Variants in ESD observed in about 807,000 individuals in gnomAD.
ESD encodes the protein esterase D, also known as S-formylglutathione hydrolase.
Under a neutral mutation model 38.1 loss-of-function variants are expected in ESD, and 34 were observed. The ratio of observed to expected loss-of-function variants is 0.89; its 90% CI spans 0.68 to 1.19. The LOEUF is 1.19. ESD is among the 50% of genes most tolerant of loss of function. The pLI, the probability that ESD is intolerant of heterozygous loss-of-function variation, is 0.00. For synonymous variants in ESD, 97 were observed against 107.0 expected (o/e 0.91, Z 0.58); for missense variants, 334 against 327.2 (o/e 1.02, Z -0.16).
At chr13:46,781,677 G>C in intron 6 of ESD, 62 bp from the exon 7 acceptor site, 1 of 1,466,500 alleles carries the variant, frequency 6.8e-7, no homozygotes, top group Non-Finnish European at 9.4e-7. Flanking sequence ...ACATTTCAAA[G>C]TTACAGAAAA....
chr13:46,771,985 T>C (rs751232693), intron 9 of ESD, among the ~76,000 whole-genome samples: 3 of 152,042 alleles, frequency 2.0e-5, no homozygotes, highest in Non-Finnish European at 2.9e-5. Context: ...AATTCACAAA[T>C]GCAGCACATC....
At chr13:46,772,966 G>A (rs1189905647) in intron 9 of ESD, among the ~76,000 whole-genome samples, 3 of 152,186 alleles carry the variant, frequency 2.0e-5, no homozygotes, top group Non-Finnish European at 4.4e-5. Context: ...TTACAGGCGT[G>A]AGCCACTGCG....
intron 9 of ESD, 67 bp from the exon 10 acceptor site, chr13:46,771,563 A>T (rs1283013011): frequency 1.0e-6 from 1 of 996,896 alleles, no homozygotes; most frequent in East Asian, 2.4e-5. Context: ...GGAACATTAA[A>T]TATATCTCTA....
chr13:46,786,618 A>C (rs369986394), intron 4 of ESD, among the ~76,000 whole-genome samples: 21 of 152,064 alleles, frequency 1.4e-4, no homozygotes, highest in East Asian at 1.3e-3. Flanking sequence ...GAACACTGTA[A>C]GTTATTTGAC....
intron 3 of ESD, among the ~76,000 whole-genome samples, chr13:46,789,150 C>G (rs571387161): frequency 6.6e-6 from 1 of 152,136 alleles, no homozygotes; most frequent in Non-Finnish European, 1.5e-5. Flanking sequence ...TAATATAGCT[C>G]CACTCATCTG....
At chr13:46,780,426 A>G (rs1020012318) in intron 7 of ESD, among the ~76,000 whole-genome samples, 2 of 151,766 alleles carry the variant, frequency 1.3e-5, no homozygotes, top group Non-Finnish European at 3.0e-5. Flanking sequence ...CATTTCTCTT[A>G]AACAGTACCA....
chr13:46,788,222 T>G (rs983228786), intron 3 of ESD, among the ~76,000 whole-genome samples: 2 of 152,040 alleles, frequency 1.3e-5, no homozygotes, highest in Non-Finnish European at 2.9e-5. Context: ...TTGTTAGGAA[T>G]AGACTCCCAC....
intron 1 of ESD, among the ~76,000 whole-genome samples, chr13:46,793,857 C>T (rs1179793045): frequency 1.3e-5 from 2 of 151,790 alleles, no homozygotes; most frequent in Non-Finnish European, 2.9e-5. Context: ...AGTTGTAAGT[C>T]GAACTTGTAA....
intron 3 of ESD, among the ~76,000 whole-genome samples, chr13:46,789,846 G>A (rs912172168): frequency 2.0e-5 from 3 of 151,458 alleles, no homozygotes; most frequent in Admixed American, 6.6e-5. Context: ...ACAGAGTTTC[G>A]CTCTTGTCGC....
intron 1 of ESD, among the ~76,000 whole-genome samples, chr13:46,794,724 G>A (rs1288274219): frequency 6.6e-6 from 1 of 151,978 alleles, no homozygotes; most frequent in African/African-American, 2.4e-5. Flanking sequence ...AACCTAGACA[G>A]GTGTTCCCAA....
chr13:46,779,833 T>C, intron 8 of ESD, 102 bp downstream of exon 8: 1 of 634,122 alleles, frequency 1.6e-6, no homozygotes. Flanking sequence ...GTCTCAGCTC[T>C]AGAGCCCTAA....
intron 1 of ESD, among the ~76,000 whole-genome samples, chr13:46,794,107 A>T (rs963871900): frequency 6.6e-6 from 1 of 151,928 alleles, no homozygotes; most frequent in African/African-American, 2.4e-5. Flanking sequence ...AGGGTGACAG[A>T]GTAGGGTGGA....
chr13:46,776,338 A>G (rs1392773490), intron 9 of ESD: 3 of 152,184 alleles, frequency 2.0e-5, no homozygotes, highest in African/African-American at 7.2e-5. Flanking sequence ...GATCTTCTGC[A>G]TAAGTTACGT....
chr13:46,772,129 T>C (rs966091011), intron 9 of ESD, among the ~76,000 whole-genome samples: 8 of 152,194 alleles, frequency 5.3e-5, no homozygotes, highest in African/African-American at 1.7e-4. Flanking sequence ...CAATTCCTCC[T>C]ACACAGTAAA....
At chr13:46,773,975 C>A (rs559551765) in intron 9 of ESD, among the ~76,000 whole-genome samples, 28 of 152,138 alleles carry the variant, frequency 1.8e-4, no homozygotes, top group Non-Finnish European at 3.8e-4. Flanking sequence ...TAAAATGTAC[C>A]AAGTATTATC....
intron 9 of ESD, among the ~76,000 whole-genome samples, chr13:46,773,853 A>T (rs1874696907): frequency 6.6e-6 from 1 of 152,222 alleles, no homozygotes; most frequent in South Asian, 2.1e-4. Flanking sequence ...TTAGAGCTAA[A>T]TTACAGTTTC....
At chr13:46,788,427 C>G (rs186648679) in intron 3 of ESD, among the ~76,000 whole-genome samples, 2 of 152,010 alleles carry the variant, frequency 1.3e-5, no homozygotes, top group African/African-American at 4.8e-5. Flanking sequence ...AATACTATAT[C>G]AAATCCATAT....
rs183908945 is a variant in ESD, at chr13:46,774,186, C to G, written c.769-2690G>C. 7.8e-3 allele frequency among the ~76,000 whole-genome samples: 1,180 copies of G among 152,060 alleles called. 42 individuals carry two copies. The highest frequency in any genetic ancestry group is 0.066 in the East Asian group (342 of 5,176). Reference sequence around the variant, plus strand: ...ATTATTAGAGAAGTCCCAAGGTAAACCCAGGAATATATTGCAAGACAAGAC... The same window carrying G: ...ATTATTAGAGAAGTCCCAAGGTAAAGCCAGGAATATATTGCAAGACAAGAC... On this transcript the variant is annotated intron_variant, in intron 9 of 9. Transcript: ENST00000378720.
chr13:46,786,719 T>A (rs1318687773), intron 4 of ESD, among the ~76,000 whole-genome samples: 2 of 151,988 alleles, frequency 1.3e-5, no homozygotes, highest in Non-Finnish European at 2.9e-5. Flanking sequence ...CTCTATAAAC[T>A]CCAGAAATGC....
Sources: allele counts gnomAD v4.1 joint callset (sites outside exome capture counted in the v4.1 genomes callset), GRCh38; gene constraint gnomAD v4.1.1; transcripts MANE v1.5; gene names NCBI Gene and HGNC (gene_info 2026-07-23, HGNC 2026-07-21).